FHIT: variants seen among roughly 807,000 people sequenced by gnomAD.
The protein encoded by FHIT is bis(5'-adenosyl)-triphosphatase.
In FHIT, 19 loss-of-function variants were observed where a neutral mutation model predicts 17.9. The ratio of observed to expected loss-of-function variants is 1.06; its 90% CI spans 0.74 to 1.56. FHIT has a LOEUF of 1.56. Among genes scored for constraint, FHIT ranks in the 40% most tolerant of loss-of-function variants. The pLI is 0.00. For missense variants in FHIT, 248 were observed against 189.2 expected (o/e 1.31, Z -1.82); for synonymous variants, 81 against 69.7 (o/e 1.16, Z -0.81).
intron 2 of FHIT, among the ~76,000 whole-genome samples, chr3:61,123,001 G>A (rs905638622): frequency 1.3e-5 from 2 of 152,114 alleles, no homozygotes; most frequent in Admixed American, 6.6e-5. Flanking sequence ...TCCCATTACT[G>A]GGTATATACC....
chr3:60,579,477 T>C (rs1330886571), intron 4 of FHIT, among the ~76,000 whole-genome samples: 1 of 152,092 alleles, frequency 6.6e-6, no homozygotes, highest in Non-Finnish European at 1.5e-5. Context: ...AAAAATAAAG[T>C]GTATGTTGAC....
chr3:60,981,508 A>T (rs1170545731), intron 3 of FHIT, among the ~76,000 whole-genome samples: 1 of 151,648 alleles, frequency 6.6e-6, no homozygotes, highest in Non-Finnish European at 1.5e-5. Flanking sequence ...ATGGGGTTTC[A>T]CTGTGTTGCC....
intron 5 of FHIT, among the ~76,000 whole-genome samples, chr3:60,210,004 G>A (rs1014912424): frequency 6.6e-6 from 1 of 152,024 alleles, no homozygotes; most frequent in African/African-American, 2.4e-5. Flanking sequence ...CATGGCACAC[G>A]TATACCTATG....
At chr3:59,774,526 A>G (rs1352944452) in intron 8 of FHIT, among the ~76,000 whole-genome samples, 1 of 152,244 alleles carries the variant, frequency 6.6e-6, no homozygotes, top group Non-Finnish European at 1.5e-5. Context: ...TATGAAGATT[A>G]AATGAGTTGA....
At chr3:60,774,907 G>T (rs1700169644) in intron 4 of FHIT, among the ~76,000 whole-genome samples, 1 of 152,110 alleles carries the variant, frequency 6.6e-6, no homozygotes, top group African/African-American at 2.4e-5. Context: ...CTTACAAATT[G>T]CTTATTTCTG....
At chr3:60,468,715 T>G (rs965448672) in intron 5 of FHIT, among the ~76,000 whole-genome samples, 1 of 152,134 alleles carries the variant, frequency 6.6e-6, no homozygotes, top group African/African-American at 2.4e-5. Flanking sequence ...GTAGTTTACA[T>G]ACTACAATAG....
intron 4 of FHIT, among the ~76,000 whole-genome samples, chr3:60,555,428 A>T (rs896441521): frequency 1.3e-5 from 2 of 152,146 alleles, no homozygotes; most frequent in Middle Eastern, 3.4e-3. Flanking sequence ...TCAAGTCTTG[A>T]CTCTTCTTCC....
intron 7 of FHIT, among the ~76,000 whole-genome samples, chr3:60,002,669 TATTC>T (rs559264101): frequency 6.8e-4 from 103 of 152,328 alleles, no homozygotes; most frequent in Non-Finnish European, 1.2e-3. Context: ...CCTTGTCTAT[TATTC>T]ATTAAGCTGG....
chr3:60,983,673 A>T (rs1309469353), intron 3 of FHIT, among the ~76,000 whole-genome samples: 1 of 152,154 alleles, frequency 6.6e-6, no homozygotes, highest in Non-Finnish European at 1.5e-5. Context: ...AAGCATACAG[A>T]TCTGGAGGAT....
chr3:61,132,043 TG>T (rs2036779774), intron 2 of FHIT, among the ~76,000 whole-genome samples: 2 of 152,188 alleles, frequency 1.3e-5, no homozygotes, highest in African/African-American at 4.8e-5. Flanking sequence ...TGATATGCTT[TG>T]AAAAAACTAA....
At chr3:59,897,221 T>C (rs150896576) in intron 8 of FHIT, among the ~76,000 whole-genome samples, 1 of 152,222 alleles carries the variant, frequency 6.6e-6, no homozygotes, top group Non-Finnish European at 1.5e-5. Context: ...TGCTTCTGTA[T>C]CGAGAAACTG....
chr3:61,176,482 C>T (rs911340748), intron 2 of FHIT, among the ~76,000 whole-genome samples: 2 of 152,200 alleles, frequency 1.3e-5, no homozygotes, highest in Non-Finnish European at 2.9e-5. Flanking sequence ...TTCACTGCAA[C>T]AACTTATGCA....
At chr3:60,584,500 C>G (rs1422483270) in intron 4 of FHIT, among the ~76,000 whole-genome samples, 1 of 152,072 alleles carries the variant, frequency 6.6e-6, no homozygotes, top group East Asian at 1.9e-4. Context: ...GGATTAATCA[C>G]CATTTTAGAT....
At chr3:60,707,164 C>T (rs2041394384) in intron 4 of FHIT, among the ~76,000 whole-genome samples, 1 of 152,204 alleles carries the variant, frequency 6.6e-6, no homozygotes, top group Non-Finnish European at 1.5e-5. Flanking sequence ...AAACGAGTCC[C>T]TTTAGTAGCT....
chr3:61,185,014 G>A (rs7612462), intron 2 of FHIT, among the ~76,000 whole-genome samples: 5,771 of 152,224 alleles, frequency 0.038, 359 homozygotes, highest in African/African-American at 0.13. Context: ...TTCTAGCACG[G>A]CATCCAATCT....
chr3:61,089,387 C>T (rs1160953626), intron 2 of FHIT, among the ~76,000 whole-genome samples: 1 of 152,186 alleles, frequency 6.6e-6, no homozygotes, highest in African/African-American at 2.4e-5. Context: ...CATACATTCC[C>T]CGATTCCTTC....
intron 5 of FHIT, among the ~76,000 whole-genome samples, chr3:60,286,848 C>A (rs894474518): frequency 3.9e-5 from 6 of 152,072 alleles, no homozygotes; most frequent in African/African-American, 1.2e-4. Context: ...TGCTTCCCTC[C>A]AATTTGGGAA....
rs35923972 is a variant in FHIT, at chr3:60,729,758, AATAT to A, written c.-18+92157_-18+92160del. ...AACAAAAGGAAAAGAAGATTTTAAA[AATAT>A]ATATATATATATATTCCTATATTTC... is the stretch of plus-strand genomic sequence containing the variant. On this transcript the variant is annotated intron_variant, in intron 4 of 9. Coordinates refer to ENST00000492590, the MANE Select transcript of FHIT (RefSeq NM_002012.4). 4.7e-5 allele frequency among the ~76,000 whole-genome samples: 7 copies of A among 149,408 alleles called. No individual in the cohort carries two copies. In the East Asian group the frequency reaches 1.2e-3, roughly 25 times the overall value.
chr3:60,707,173 C>G (rs2041394652), intron 4 of FHIT, among the ~76,000 whole-genome samples: 2 of 152,172 alleles, frequency 1.3e-5, no homozygotes, highest in Admixed American at 6.5e-5. Flanking sequence ...CCTTTAGTAG[C>G]TCCAAAAAGC....
Sources: gnomAD v4.1 joint callset for allele counts (sites outside exome capture counted in the v4.1 genomes callset) on GRCh38, gnomAD v4.1.1 for gene constraint, MANE v1.5 for transcripts, NCBI Gene and HGNC (gene_info 2026-07-23, HGNC 2026-07-21) for gene names.